LIPC: variants seen among roughly 807,000 people sequenced by gnomAD.
LIPC encodes the protein hepatic triacylglycerol lipase.
LIPC carries 44 observed loss-of-function variants against 50.7 expected under a neutral mutation model. The observed-to-expected ratio is 0.87, with a 90% CI of 0.68 to 1.11. LIPC has a LOEUF of 1.11. Among genes scored for constraint, LIPC ranks in the 50% most tolerant of loss-of-function variants. The pLI is 0.00. For synonymous variants in LIPC, 271 were observed against 256.4 expected, an observed-to-expected ratio of 1.06 and a Z score of -0.54; for missense variants, 697 against 648.2, an observed-to-expected ratio of 1.08 and a Z score of -0.82.
chr15:58,470,772 A>T (rs1224178313), intron 1 of LIPC, among the ~76,000 whole-genome samples: 2 of 151,958 alleles, frequency 1.3e-5, no homozygotes, highest in African/African-American at 4.8e-5. Context: ...GCTAATTTTT[A>T]TATTTTTAGT....
At chr15:58,446,576 G>A (rs1024402520) in intron 1 of LIPC, among the ~76,000 whole-genome samples, 3 of 152,084 alleles carry the variant, frequency 2.0e-5, no homozygotes, top group Admixed American at 1.3e-4. Flanking sequence ...GAGCATCTTG[G>A]TTACTTGCTG....
chr15:58,527,325 G>T (rs776484315), intron 1 of LIPC, among the ~76,000 whole-genome samples: 2 of 152,142 alleles, frequency 1.3e-5, no homozygotes, highest in Non-Finnish European at 2.9e-5. Context: ...GGTCAGGCAA[G>T]TCTCAAAGAA....
At chr15:58,492,792 C>T (rs1317748887) in intron 1 of LIPC, among the ~76,000 whole-genome samples, 2 of 152,146 alleles carry the variant, frequency 1.3e-5, no homozygotes, top group Non-Finnish European at 2.9e-5. Context: ...CCCAAATATC[C>T]CTGGGACAGG....
chr15:58,524,935 G>A (rs1892758345), intron 1 of LIPC, among the ~76,000 whole-genome samples: 1 of 151,886 alleles, frequency 6.6e-6, no homozygotes, highest in Admixed American at 6.6e-5. Flanking sequence ...CTTTAATGTA[G>A]TCTAATTTAA....
chr15:58,442,430 T>TA (rs1449051070), intron 1 of LIPC, among the ~76,000 whole-genome samples: 2 of 152,218 alleles, frequency 1.3e-5, no homozygotes, highest in African/African-American at 2.4e-5. Context: ...CAATGACCCT[T>TA]ATGCCATTTC....
At chr15:58,548,661 G>A in intron 6 of LIPC, 89 bp downstream of exon 6, 10 of 1,503,624 alleles carry the variant, frequency 6.7e-6, no homozygotes, top group Non-Finnish European at 9.0e-6. Flanking sequence ...CTTTCCTGGA[G>A]GTGCTTCAGC....
intron 1 of LIPC, among the ~76,000 whole-genome samples, chr15:58,471,343 T>G (rs1164283894): frequency 7.5e-6 from 1 of 133,688 alleles, no homozygotes; most frequent in Non-Finnish European, 1.6e-5. Flanking sequence ...GGGGGTGGTC[T>G]CACCATGTTG....
At chr15:58,469,100 TTTTG>T (rs1391927986) in intron 1 of LIPC, among the ~76,000 whole-genome samples, 2 of 95,410 alleles carry the variant, frequency 2.1e-5, no homozygotes, top group African/African-American at 4.1e-5. Context: ...TCAGGGAACA[TTTTG>T]TGTGTGTGTG....
chr15:58,437,175 G>A (rs1893328080), intron 1 of LIPC, among the ~76,000 whole-genome samples: 1 of 152,152 alleles, frequency 6.6e-6, no homozygotes, highest in South Asian at 2.1e-4. Context: ...TAACACCAGG[G>A]ATCTTAGCAC....
intron 1 of LIPC, chr15:58,432,409 C>T (rs1235386742): frequency 6.9e-6 from 3 of 433,800 alleles, no homozygotes; most frequent in Non-Finnish European, 1.3e-5. Context: ...AGTTATTCAG[C>T]GGCAAATGAT....
chr15:58,531,683 A>G (rs563216629), intron 1 of LIPC, among the ~76,000 whole-genome samples: 37 of 150,212 alleles, frequency 2.5e-4, no homozygotes, highest in African/African-American at 8.8e-4. Context: ...CTTTCCTTCC[A>G]TCCCGTATCT....
At chr15:58,500,594 A>G (rs1300979361) in intron 1 of LIPC, among the ~76,000 whole-genome samples, 1 of 152,164 alleles carries the variant, frequency 6.6e-6, no homozygotes, top group Non-Finnish European at 1.5e-5. Context: ...TGAAAATTAT[A>G]ATCAATAAGT....
chr15:58,474,986 T>C (rs1176679891), intron 1 of LIPC, among the ~76,000 whole-genome samples: 1 of 152,142 alleles, frequency 6.6e-6, no homozygotes, highest in African/African-American at 2.4e-5. Flanking sequence ...CCACCTATTT[T>C]CTAAGGAAAC....
intron 1 of LIPC, among the ~76,000 whole-genome samples, chr15:58,497,037 T>C (rs1293295653): frequency 6.6e-6 from 1 of 152,144 alleles, no homozygotes; most frequent in Non-Finnish European, 1.5e-5. Context: ...GAGGTACAAA[T>C]GCACTGCCTT....
intron 1 of LIPC, chr15:58,435,124 A>C (rs1211255547): frequency 6.6e-6 from 1 of 152,236 alleles, no homozygotes; most frequent in Non-Finnish European, 1.5e-5. Flanking sequence ...AAACCCTTGC[A>C]TATTAACACA....
At chr15:58,525,022 A>T (rs1566938533) in intron 1 of LIPC, among the ~76,000 whole-genome samples, 1 of 151,666 alleles carries the variant, frequency 6.6e-6, no homozygotes, top group African/African-American at 2.4e-5. Flanking sequence ...ATTAGCCCAT[A>T]TTTTTTTTCT....
intron 1 of LIPC, among the ~76,000 whole-genome samples, chr15:58,478,078 C>A (rs1891059268): frequency 6.6e-6 from 1 of 152,248 alleles, no homozygotes; most frequent in South Asian, 2.1e-4. Context: ...CTCAGTGTAC[C>A]CAAGCTTGGC....
intron 2 of LIPC, among the ~76,000 whole-genome samples, chr15:58,541,494 G>T (rs41292504): frequency 1.0e-3 from 155 of 151,746 alleles, no homozygotes; most frequent in Non-Finnish European, 8.4e-4. Flanking sequence ...GGGAGGGGGC[G>T]GGGGGGAACG....
At chr15:58,463,227 G>A (rs1175782790) in intron 1 of LIPC, among the ~76,000 whole-genome samples, 1 of 152,216 alleles carries the variant, frequency 6.6e-6, no homozygotes, top group African/African-American at 2.4e-5. Context: ...AGGTGGGAGG[G>A]GAACTTATGT....
Sources: allele counts gnomAD v4.1 joint callset (sites outside exome capture counted in the v4.1 genomes callset), GRCh38; gene constraint gnomAD v4.1.1; transcripts MANE v1.5; gene names NCBI Gene and HGNC (gene_info 2026-07-23, HGNC 2026-07-21).